Variants in STARD13 observed in about 807,000 individuals in gnomAD.
STARD13 encodes the protein stAR-related lipid transfer protein 13.
STARD13 carries 62 observed loss-of-function variants against 106.4 expected under a neutral mutation model. That is an observed-to-expected ratio of 0.58 (90% CI 0.48 to 0.72). STARD13 has a LOEUF of 0.72. Ranked by LOEUF, STARD13 falls within the 30% of genes least tolerant of loss-of-function variation. STARD13 has a pLI of 0.00. For missense variants in STARD13, 1,387 were observed against 1,424.0 expected (o/e 0.97, Z 0.42); for synonymous variants, 565 against 553.0 (o/e 1.02, Z -0.31).
At chr13:33,575,895 C>A in the STARD13 span, among the ~76,000 whole-genome samples, 1 of 152,084 alleles carries the variant, frequency 6.6e-6, no homozygotes, top group African/African-American at 2.4e-5. Context: ...ATTTGCAAAG[C>A]CCCTCTCCCT....
chr13:33,300,786 G>A (rs145381569), intron 1 of STARD13, among the ~76,000 whole-genome samples: 34 of 152,202 alleles, frequency 2.2e-4, no homozygotes, highest in African/African-American at 6.7e-4. Context: ...CCTTTTAAAA[G>A]GGCCCGCAGG....
the STARD13 span, among the ~76,000 whole-genome samples, chr13:33,459,267 C>T: frequency 6.6e-6 from 1 of 152,166 alleles, no homozygotes; most frequent in African/African-American, 2.4e-5. Context: ...CCTCCCACCT[C>T]CAGCACCCAA....
chr13:33,554,776 G>A, the STARD13 span, among the ~76,000 whole-genome samples: 1 of 152,190 alleles, frequency 6.6e-6, no homozygotes, highest in Non-Finnish European at 1.5e-5. Flanking sequence ...GAGTGTGACT[G>A]AGAAGAAAAG....
the STARD13 span, among the ~76,000 whole-genome samples, chr13:33,525,928 A>T: frequency 6.6e-6 from 1 of 152,156 alleles, no homozygotes; most frequent in Non-Finnish European, 1.5e-5. Context: ...ACTTTTTGAC[A>T]TTTATTCAAC....
the STARD13 span, among the ~76,000 whole-genome samples, chr13:33,369,790 G>T: frequency 6.6e-6 from 1 of 152,042 alleles, no homozygotes; most frequent in Non-Finnish European, 1.5e-5. Flanking sequence ...ATCATTAATG[G>T]AATAGAAAAT....
the STARD13 span, among the ~76,000 whole-genome samples, chr13:33,599,960 G>A: frequency 6.6e-6 from 1 of 152,080 alleles, no homozygotes; most frequent in Admixed American, 6.5e-5. Flanking sequence ...AATGGAAAAC[G>A]CCCCTTTATA....
At chr13:33,656,333 G>A in the STARD13 span, among the ~76,000 whole-genome samples, 2 of 152,192 alleles carry the variant, frequency 1.3e-5, no homozygotes, top group Admixed American at 1.3e-4. Flanking sequence ...AGAATGAAAG[G>A]AAAGAAAGGG....
chr13:33,221,625 C>T (rs1473360081), intron 1 of STARD13, among the ~76,000 whole-genome samples: 5 of 152,182 alleles, frequency 3.3e-5, no homozygotes, highest in Non-Finnish European at 7.3e-5. Flanking sequence ...CGTCCCATTC[C>T]TCCATGCAGG....
chr13:33,583,787 A>C, the STARD13 span, among the ~76,000 whole-genome samples: 2 of 152,120 alleles, frequency 1.3e-5, no homozygotes, highest in Non-Finnish European at 2.9e-5. Context: ...GTCCATGACC[A>C]ATACTAATCA....
At chr13:33,281,249 C>A (rs1891763358) in intron 1 of STARD13, 1 of 152,198 alleles carries the variant, frequency 6.6e-6, no homozygotes, top group Admixed American at 6.5e-5. Context: ...GCCTGGATGC[C>A]TGTCTCCTTA....
chr13:33,236,986 C>T (rs1384740279), intron 1 of STARD13, among the ~76,000 whole-genome samples: 1 of 152,098 alleles, frequency 6.6e-6, no homozygotes, highest in African/African-American at 2.4e-5. Context: ...GATATATACC[C>T]TTATGGAATT....
At chr13:33,263,986 G>T (rs184902533) in intron 1 of STARD13, among the ~76,000 whole-genome samples, 1 of 152,298 alleles carries the variant, frequency 6.6e-6, no homozygotes. Flanking sequence ...ATCATAAAAA[G>T]TCACACACCT....
At chr13:33,161,186 C>A (rs547558179) in intron 3 of STARD13, among the ~76,000 whole-genome samples, 1 of 152,288 alleles carries the variant, frequency 6.6e-6, no homozygotes, top group East Asian at 1.9e-4. Context: ...TGTTTGATTT[C>A]ATTTGTATGA....
chr13:33,138,648 G>A (rs7322586), intron 4 of STARD13: 23,758 of 271,552 alleles, frequency 0.087, 1,298 homozygotes, highest in East Asian at 0.24. Context: ...GGGCCTGCCT[G>A]TTTGGAAGCA....
At chr13:33,323,649 T>C (rs1387400849) in intron 1 of STARD13, among the ~76,000 whole-genome samples, 2 of 152,218 alleles carry the variant, frequency 1.3e-5, no homozygotes, top group Non-Finnish European at 2.9e-5. Flanking sequence ...TCTGATCTTC[T>C]GCTTTCCCAT....
At chr13:33,370,387 A>G in the STARD13 span, among the ~76,000 whole-genome samples, 1 of 152,142 alleles carries the variant, frequency 6.6e-6, no homozygotes, top group Non-Finnish European at 1.5e-5. Context: ...CAGGGTCTGG[A>G]GAATAGGGAA....
the STARD13 span, among the ~76,000 whole-genome samples, chr13:33,365,430 T>G: frequency 6.6e-6 from 1 of 152,184 alleles, no homozygotes; most frequent in Non-Finnish European, 1.5e-5. Flanking sequence ...TGCACAGTTA[T>G]AAGGTTAAAC....
At chr13:33,540,682 ATGG>A in the STARD13 span, among the ~76,000 whole-genome samples, 1 of 152,242 alleles carries the variant, frequency 6.6e-6, no homozygotes, top group South Asian at 2.1e-4. Flanking sequence ...AATAGATTCG[ATGG>A]TGGGAATACA....
rs560003612 is a variant in STARD13 at position 33,249,875 on chromosome 13, T to C, written c.169+35595A>G. ...CGCCATCTCGGCTCACTGCAACCTC[T>C]ACCTCCCAGGATTAAACAATAGTCC... is the stretch of plus-strand genomic sequence containing the variant. On this transcript the variant is annotated intron_variant, in intron 1 of 13. Transcript: ENST00000336934. Among the ~76,000 whole-genome samples the C allele has an allele frequency of 3.9e-5, 6 of 152,250 alleles. No individual in the cohort carries two copies. The East Asian group carries it at 1.2e-3, about 29-fold the overall frequency.
Sources: allele counts gnomAD v4.1 joint callset (sites outside exome capture counted in the v4.1 genomes callset), GRCh38; gene constraint gnomAD v4.1.1; transcripts MANE v1.5; gene names NCBI Gene and HGNC (gene_info 2026-07-23, HGNC 2026-07-21).